Variants in LRCOL1 observed in about 807,000 individuals in gnomAD.
The protein encoded by LRCOL1 is leucine rich colipase like 1.
In LRCOL1, 21 loss-of-function variants were observed where a neutral mutation model predicts 21.6. The ratio of observed to expected loss-of-function variants is 0.97; its 90% CI spans 0.69 to 1.40. The LOEUF is 1.40. Ranked by LOEUF, LRCOL1 falls within the 40% of genes most tolerant of loss-of-function variation. The pLI, the probability that LRCOL1 is intolerant of heterozygous loss-of-function variation, is 0.00. For missense variants in LRCOL1, 198 were observed against 202.3 expected (o/e 0.98, Z 0.13); for synonymous variants, 98 against 90.1 (o/e 1.09, Z -0.49).
chr12:132,605,488 G>A (rs1025376997), intron 2 of LRCOL1, among the ~76,000 whole-genome samples: 8 of 152,212 alleles, frequency 5.3e-5, no homozygotes, highest in African/African-American at 1.9e-4. Flanking sequence ...CAGCACTTTG[G>A]GAGGGTGAGG....
intron 1 of LRCOL1, among the ~76,000 whole-genome samples, chr12:132,608,784 A>G (rs1021416802): frequency 3.3e-5 from 5 of 152,118 alleles, no homozygotes; most frequent in African/African-American, 1.2e-4. Flanking sequence ...TCACAACTAG[A>G]ACTTTTCTAA....
chr12:132,608,909 C>T (rs758610333), intron 1 of LRCOL1, among the ~76,000 whole-genome samples: 4 of 152,136 alleles, frequency 2.6e-5, no homozygotes, highest in Non-Finnish European at 4.4e-5. Context: ...AAATGGAGCA[C>T]GATGTGCCTG....
intron 1 of LRCOL1, 138 bp downstream of exon 1, chr12:132,610,185 C>T (rs1261729394): frequency 3.3e-5 from 5 of 152,210 alleles, no homozygotes; most frequent in Non-Finnish European, 7.3e-5. Flanking sequence ...GCCGCAGGGT[C>T]GATCCTGGGC....
Position 132,606,339 on chromosome 12 carries a change from C to G in LRCOL1, c.-13-75G>C. 8.1e-7 allele frequency: 1 copy of G among 1,231,934 alleles called. No homozygotes were observed. The allele number at this position is 1,231,934 out of a possible 1,614,324, so 76.3% of individuals were successfully genotyped here. ...TGCCTGGCACCTGGTGCTGGCCTCCCCACTCCCTTCCCATCCCTTCCCGAT... is the reference window on the plus strand; with the variant it reads ...TGCCTGGCACCTGGTGCTGGCCTCCGCACTCCCTTCCCATCCCTTCCCGAT... On this transcript the variant is annotated intron_variant, in intron 1 of 5. Transcript: ENST00000376608. The surrounding 1 kb of genome is among the most constrained non-coding windows in gnomAD (Gnocchi z 4.6).
chr12:132,606,229 A>G lies in LRCOL1; in HGVS notation c.23T>C (p.Leu8Pro). MAGPGWTLLLLLLLLLLL... is the reference protein window; with the variant it reads MAGPGWTPLLLLLLLLLL... ...CAGCAGCAGCAGCAGCAGTAGCAGC[A>G]GCGTCCACCCCGGGCCGGCCATCGG... The change falls in exon 2 of 6, where the codon CTG becomes CCG. Residue 8 changes from leucine (L) to proline (P), a missense_variant. Coordinates refer to ENST00000376608, the MANE Select transcript of LRCOL1 (RefSeq NM_001195520.2). This position sits in a 1 kb window ranked among gnomAD's most constrained non-coding sequence, Gnocchi z 4.6. 6.5e-7 allele frequency: 1 copy of G among 1,536,602 alleles called. No individual in the cohort carries two copies. The highest frequency in any genetic ancestry group is 8.7e-7 in the Non-Finnish European group (1 of 1,146,832).
intron 5 of LRCOL1, chr12:132,603,621 CTGGTGG>C: frequency 1.1e-5 from 1 of 90,294 alleles, no homozygotes; most frequent in Non-Finnish European, 1.3e-5. Context: ...ACGAGGGCGC[CTGGTGG>C]TACCCGAGGG....
chr12:132,603,747 C>T (rs1013676139), intron 5 of LRCOL1: 1 of 985,328 alleles, frequency 1.0e-6, no homozygotes. Context: ...GCGCCCCCAC[C>T]GCGTTTGCGC....
chr12:132,607,236 G>A (rs190882823), intron 1 of LRCOL1, among the ~76,000 whole-genome samples: 305 of 152,302 alleles, frequency 2.0e-3, no homozygotes, highest in Non-Finnish European at 3.7e-3. Context: ...GGGCCCAGGC[G>A]GAGACGTCAT....
At position 132,604,529 on chromosome 12, in the gene LRCOL1, C is replaced by T. The variant is rs1245302645; in HGVS notation, c.287G>A (p.Arg96His). 7 of 1,536,022 alleles carry T rather than the reference C, an allele frequency of 4.6e-6. No homozygotes were observed. In the African/African-American group the frequency reaches 5.5e-5, roughly 12 times the overall value. ...GCACAACTCCTGCGGGCTGTTGTTG[C>T]GGACGCAGCAGCTGCTCTGGCACTC... ...DSECQSSCCV[R>H]NNSPQELCTP... Residue 96 changes from arginine to histidine, a missense_variant, in exon 4 of 6, where the codon CGC becomes CAC. Physicochemically the swap from Arg to His is conservative, Grantham distance 29. Coordinates refer to ENST00000376608, the MANE Select transcript of LRCOL1 (RefSeq NM_001195520.2).
chr12:132,606,197 C>T lies in LRCOL1; in HGVS notation c.55G>A (p.Gly19Arg), dbSNP rs2041307439. 7.1e-7 allele frequency: 1 copy of T among 1,410,294 alleles called. No homozygotes were observed. The highest frequency in any genetic ancestry group is 9.5e-7 in the Non-Finnish European group (1 of 1,052,368). The allele number at this position is 1,410,294 out of a possible 1,614,324, so 87.4% of individuals were successfully genotyped here. ...TGTGGCCCATACCCTGCCATGGACCCCAGCAGCAGCAGCAGCAGCAGCAGT... is the reference window on the plus strand; with the variant it reads ...TGTGGCCCATACCCTGCCATGGACCTCAGCAGCAGCAGCAGCAGCAGCAGT... ...LLLLLLLLLL[G>R]SMAGYGPQKK... Residue 19 changes from glycine (G) to arginine (R), a missense_variant, in exon 2 of 6, where the codon GGG becomes AGG. Gly to Arg is a moderately radical substitution (Grantham distance 125). Coordinates refer to ENST00000376608, the MANE Select transcript of LRCOL1 (RefSeq NM_001195520.2). The surrounding 1 kb of genome is among the most constrained non-coding windows in gnomAD (Gnocchi z 4.6).
In LRCOL1 at chr12:132,603,395, G is replaced by A. The variant is rs923976044; in HGVS notation, c.*7C>T. The A allele has an allele frequency of 6.5e-7, 1 of 1,536,208 alleles. No individual in the cohort carries two copies. Among genetic ancestry groups the A allele is most frequent in the Non-Finnish European group, 8.7e-7 (1 of 1,146,908 alleles). On this transcript the variant is annotated 3_prime_UTR_variant, in exon 6 of 6. Transcript: ENST00000376608. ...GCCGGTCCCTCGCGCCCAGGTTCGA[G>A]CTCACATCACTGAAGGAGAAGCCAA...
At chr12:132,603,875 G>C in intron 5 of LRCOL1, 3 of 1,178,854 alleles carry the variant, frequency 2.5e-6, no homozygotes, top group Non-Finnish European at 2.1e-6. Context: ...GGTCGGGGGA[G>C]GGAGGGGAGA....
chr12:132,604,948 G>A (rs2138303901), intron 2 of LRCOL1, 117 bp from the exon 3 acceptor site: 1 of 1,461,980 alleles, frequency 6.8e-7, no homozygotes, highest in South Asian at 1.4e-5. Context: ...TCAAACTTGG[G>A]TTTCCTGAGA....
intron 1 of LRCOL1, among the ~76,000 whole-genome samples, chr12:132,609,745 A>T (rs2041351860): frequency 6.6e-6 from 1 of 152,210 alleles, no homozygotes; most frequent in African/African-American, 2.4e-5. Context: ...GTATTTTACC[A>T]CAATAAAAGC....
intron 5 of LRCOL1, 175 bp downstream of exon 5, chr12:132,604,079 G>C (rs2041265571): frequency 7.0e-7 from 1 of 1,421,536 alleles, no homozygotes; most frequent in Non-Finnish European, 9.2e-7. Flanking sequence ...CCTTCTCTGC[G>C]GCCCCCACCT....
At position 132,604,321 on chromosome 12, in the gene LRCOL1, T is replaced by C; in HGVS notation, c.410A>G (p.Gln137Arg). The part of the protein sequence containing the change: ...HQECHSQCCI[Q>R]LREYSPFRCI... ...GCGGAAGGGGCTGTACTCCCTCAGC[T>C]GGATGCAGCACTGGCTGTGACACTC... Residue 137 changes from glutamine to arginine, a missense_variant, in exon 5 of 6, where the codon CAG (glutamine) becomes CGG (arginine). Transcript: ENST00000376608. 6.5e-7 allele frequency: 1 copy of C among 1,535,830 alleles called. No homozygotes were observed. Among genetic ancestry groups the C allele is most frequent in the Non-Finnish European group, 8.7e-7 (1 of 1,146,826 alleles).
rs1434413959 is a variant in LRCOL1, at chr12:132,606,107, TG to T, written c.105+39del. On this transcript the variant is annotated intron_variant, in intron 2 of 5. Coordinates refer to ENST00000376608, the MANE Select transcript of LRCOL1 (RefSeq NM_001195520.2). The surrounding 1 kb of genome is among the most constrained non-coding windows in gnomAD (Gnocchi z 4.6). ...CGCCCGGCACCCACCTTATGGCGCGTGTGGGGCCTGCAGGGGCATCAGGGGT... is the reference window on the plus strand; with the variant it reads ...CGCCCGGCACCCACCTTATGGCGCGTTGGGGCCTGCAGGGGCATCAGGGGT... The T allele has an allele frequency of 2.6e-6, 4 of 1,525,474 alleles. No individual in the cohort carries two copies. The African/African-American group carries it at 5.5e-5, about 21-fold the overall frequency. The allele number at this position is 1,525,474 out of a possible 1,614,324, so 94.5% of individuals were successfully genotyped here. A position where few individuals can be genotyped will look rare whatever the true frequency, so the allele number is the denominator to read the frequency against.
chr12:132,610,104 G>C (rs1317728), intron 1 of LRCOL1, among the ~76,000 whole-genome samples: 70,145 of 151,968 alleles, frequency 0.46, 16,688 homozygotes, highest in East Asian at 0.63. Context: ...CGGCCCAGCA[G>C]GGCAGGGCCG....
At chr12:132,607,744 C>T (rs997108108) in intron 1 of LRCOL1, among the ~76,000 whole-genome samples, 4 of 136,046 alleles carry the variant, frequency 2.9e-5, no homozygotes, top group Admixed American at 7.3e-5. Flanking sequence ...TCCCTCTCTC[C>T]GTCTCTGTCT....
Sources: allele counts gnomAD v4.1 joint callset (sites outside exome capture counted in the v4.1 genomes callset), GRCh38; gene constraint gnomAD v4.1.1; non-coding constraint Gnocchi (gnomAD v3.1); transcripts MANE v1.5; gene names NCBI Gene and HGNC (gene_info 2026-07-23, HGNC 2026-07-21).